The following HPSE2 variants were observed in gnomAD, a reference collection of about 807,000 sequenced individuals.
HPSE2 encodes the protein heparanase 2 (inactive).
HPSE2 carries 38 observed loss-of-function variants against 60.5 expected under a neutral mutation model. The ratio of observed to expected loss-of-function variants is 0.63; its 90% CI spans 0.48 to 0.82. The LOEUF (loss-of-function observed/expected upper bound fraction) is 0.82. HPSE2 is among the 40% of genes least tolerant of loss of function. The pLI, the probability that HPSE2 is intolerant of heterozygous loss-of-function variation, is 0.00. For synonymous variants in HPSE2, 295 were observed against 293.2 expected (o/e 1.01, Z -0.06); for missense variants, 713 against 740.4 (o/e 0.96, Z 0.43).
intron 3 of HPSE2, among the ~76,000 whole-genome samples, chr10:99,008,450 G>C (rs1956939466): frequency 6.6e-6 from 1 of 152,164 alleles, no homozygotes; most frequent in South Asian, 2.1e-4. Context: ...AGAAACAGAA[G>C]TCAATTAGCT....
At chr10:99,104,273 C>G (rs1405506533) in intron 3 of HPSE2, among the ~76,000 whole-genome samples, 1 of 151,822 alleles carries the variant, frequency 6.6e-6, no homozygotes, top group Non-Finnish European at 1.5e-5. Context: ...ACAAAGAACT[C>G]AAACAAATTT....
At chr10:98,713,453 A>C (rs901952908) in intron 5 of HPSE2, among the ~76,000 whole-genome samples, 1 of 151,824 alleles carries the variant, frequency 6.6e-6, no homozygotes, top group Admixed American at 6.6e-5. Flanking sequence ...CTTTTTTTTA[A>C]CGTTTCCTTT....
At chr10:98,615,395 C>T (rs140936718) in intron 8 of HPSE2, among the ~76,000 whole-genome samples, 42 of 152,322 alleles carry the variant, frequency 2.8e-4, no homozygotes, top group Middle Eastern at 3.4e-3. Flanking sequence ...GAAGAGCGCA[C>T]ATTGTGCATT....
upstream of HPSE2, among the ~76,000 whole-genome samples, chr10:99,239,261 G>A (rs1050247586): frequency 6.6e-6 from 1 of 152,008 alleles, no homozygotes; most frequent in Non-Finnish European, 1.5e-5. Context: ...AGTGTCTACT[G>A]AATGGTCTTC....
chr10:99,142,356 G>A (rs117067053), intron 3 of HPSE2, among the ~76,000 whole-genome samples: 2,000 of 152,308 alleles, frequency 0.013, 18 homozygotes, highest in Non-Finnish European at 0.022. Flanking sequence ...ACCACACTGT[G>A]TAAAATCAAA....
At chr10:99,241,402 A>AAT in the HPSE2 span, among the ~76,000 whole-genome samples, 1 of 152,220 alleles carries the variant, frequency 6.6e-6, no homozygotes, top group African/African-American at 2.4e-5. Context: ...AAACTGATAT[A>AAT]ATATCCAAGA....
At chr10:98,574,447 G>A (rs1944586814) in intron 9 of HPSE2, among the ~76,000 whole-genome samples, 1 of 152,102 alleles carries the variant, frequency 6.6e-6, no homozygotes, top group Non-Finnish European at 1.5e-5. Flanking sequence ...CATTACTTCT[G>A]TAATTAAAAA....
the HPSE2 span, among the ~76,000 whole-genome samples, chr10:99,305,983 A>G: frequency 2.0e-3 from 270 of 136,714 alleles, 1 homozygote; most frequent in Middle Eastern, 3.8e-3. Context: ...GCGCGCGCAC[A>G]CACACACACA....
chr10:99,162,491 G>C (rs1444041030), intron 2 of HPSE2, among the ~76,000 whole-genome samples: 1 of 152,152 alleles, frequency 6.6e-6, no homozygotes, highest in Non-Finnish European at 1.5e-5. Context: ...TAAAACTAGT[G>C]CCACTCCCTT....
intron 3 of HPSE2, among the ~76,000 whole-genome samples, chr10:99,097,072 T>C (rs1200890135): frequency 6.6e-6 from 1 of 152,192 alleles, no homozygotes; most frequent in East Asian, 1.9e-4. Context: ...TGAAGTCCAC[T>C]AAATCCGGCT....
At chr10:98,634,245 G>A (rs775147708) in intron 7 of HPSE2, among the ~76,000 whole-genome samples, 7 of 152,204 alleles carry the variant, frequency 4.6e-5, no homozygotes, top group Admixed American at 1.3e-4. Flanking sequence ...CCTGCCCCTC[G>A]CTTTGTGCAT....
chr10:98,877,685 G>A (rs137957261), intron 3 of HPSE2, among the ~76,000 whole-genome samples: 43 of 151,916 alleles, frequency 2.8e-4, no homozygotes, highest in African/African-American at 8.9e-4. Context: ...ATAAAGAATC[G>A]ATATAGCTAA....
At chr10:99,099,402 A>G (rs367741335) in intron 3 of HPSE2, among the ~76,000 whole-genome samples, 1 of 152,304 alleles carries the variant, frequency 6.6e-6, no homozygotes, top group African/African-American at 2.4e-5. Context: ...TTGCTAGCAC[A>G]GTAGTCTGAG....
At chr10:98,591,923 C>T (rs1201797411) in intron 9 of HPSE2, among the ~76,000 whole-genome samples, 1 of 152,142 alleles carries the variant, frequency 6.6e-6, no homozygotes, top group Non-Finnish European at 1.5e-5. Context: ...AATATTTGAT[C>T]TCTTTAAAAG....
chr10:99,173,716 G>A (rs1847408119), intron 2 of HPSE2, among the ~76,000 whole-genome samples: 1 of 152,150 alleles, frequency 6.6e-6, no homozygotes, highest in South Asian at 2.1e-4. Flanking sequence ...GGCTAAGGCA[G>A]GCAGATCACC....
chr10:99,232,461 A>T lies in HPSE2; in HGVS notation c.335T>A (p.Phe112Tyr). ...VTLARGLSPAFLRFGGKRTDF... is the reference protein window; with the variant it reads ...VTLARGLSPAYLRFGGKRTDF... ...GGTCCTTTTGCCCCCGAAGCGCAGA[A>T]AGGCGGGCGAAAGTCCCCGGGCCAG... is the stretch of plus-strand genomic sequence containing the variant. Residue 112 changes from phenylalanine (F) to tyrosine (Y), a missense_variant, in exon 2 of 12, where the codon TTT becomes TAT. Physicochemically the swap from Phe to Tyr is conservative, Grantham distance 22. Coordinates refer to ENST00000370552, the MANE Select transcript of HPSE2 (RefSeq NM_021828.5). The T allele has an allele frequency of 6.4e-7, 1 of 1,557,992 alleles. No homozygotes were observed. The highest frequency in any genetic ancestry group is 1.2e-5 in the South Asian group (1 of 84,568).
chr10:98,973,919 C>T (rs1409192967), intron 3 of HPSE2, among the ~76,000 whole-genome samples: 2 of 152,034 alleles, frequency 1.3e-5, no homozygotes, highest in East Asian at 3.9e-4. Flanking sequence ...CCTCCATACC[C>T]CTATTACCAA....
At chr10:98,681,320 G>C (rs988190317) in intron 6 of HPSE2, among the ~76,000 whole-genome samples, 1 of 152,010 alleles carries the variant, frequency 6.6e-6, no homozygotes, top group Admixed American at 6.6e-5. Flanking sequence ...GACTAGATAA[G>C]TGGTGATACC....
intron 5 of HPSE2, among the ~76,000 whole-genome samples, chr10:98,699,230 T>C (rs1440180473): frequency 1.3e-5 from 2 of 151,746 alleles, no homozygotes; most frequent in African/African-American, 4.9e-5. Flanking sequence ...AACATCGATG[T>C]AAAAATCCTC....
Sources: gnomAD v4.1 joint callset for allele counts (sites outside exome capture counted in the v4.1 genomes callset) on GRCh38, gnomAD v4.1.1 for gene constraint, MANE v1.5 for transcripts, NCBI Gene and HGNC (gene_info 2026-07-23, HGNC 2026-07-21) for gene names.